Variants in ZNF473 observed in about 807,000 individuals in gnomAD.
ZNF473 encodes the protein zinc finger protein 100 homolog.
In ZNF473, 4 loss-of-function variants were observed where a neutral mutation model predicts 11.1. The ratio of observed to expected loss-of-function variants is 0.36; its 90% CI spans 0.18 to 0.82. ZNF473 has a LOEUF of 0.82. ZNF473 is among the 40% of genes least tolerant of loss of function. The pLI, the probability that ZNF473 is intolerant of heterozygous loss-of-function variation, is 0.49. For synonymous variants in ZNF473, 404 were observed against 390.4 expected (o/e 1.03, Z -0.41); for missense variants, 854 against 1,084.0 (o/e 0.79, Z 2.98).
intron 2 of ZNF473, among the ~76,000 whole-genome samples, chr19:50,032,385 A>G (rs959927409): frequency 2.6e-5 from 4 of 151,970 alleles, no homozygotes; most frequent in Non-Finnish European, 5.9e-5. Flanking sequence ...TAGGGCTGTC[A>G]TGATCTGCAG....
Position 50,045,676 on chromosome 19 carries a change from C to T in ZNF473, c.1233C>T (p.Ser411=). 1 of 1,614,094 alleles carries T rather than the reference C, an allele frequency of 6.2e-7. No individual in the cohort carries two copies. Among genetic ancestry groups the T allele is most frequent in the Non-Finnish European group, 8.5e-7 (1 of 1,180,014 alleles). Residue 411 remains serine, a synonymous_variant, in exon 5 of 5, where the codon TCC becomes TCT. Coordinates refer to ENST00000270617, the MANE Select transcript of ZNF473 (RefSeq NM_015428.4). ...EPYKCNERGK[S]FRHNSTLKIH... ...ATAAGTGTAACGAACGTGGGAAATCCTTCAGGCATAACTCTACCCTAAAGA... is the reference window on the plus strand; with the variant it reads ...ATAAGTGTAACGAACGTGGGAAATCTTTCAGGCATAACTCTACCCTAAAGA...
At chr19:50,032,130 T>A (rs979977443) in intron 2 of ZNF473, among the ~76,000 whole-genome samples, 1 of 148,878 alleles carries the variant, frequency 6.7e-6, no homozygotes, top group Admixed American at 6.8e-5. Flanking sequence ...TTCCTGTGGC[T>A]CCCCAGTGCC....
rs1047588589 is a variant in ZNF473 at position 50,044,881 on chromosome 19, A to T, written c.438A>T (p.Glu146Asp). 5 of 1,614,222 alleles carry T rather than the reference A, an allele frequency of 3.1e-6. No homozygotes were observed. The African/African-American group carries it at 5.3e-5, about 17-fold the overall frequency. The change falls in exon 5 of 5, where the codon GAA (glutamate) becomes GAT (aspartate). Residue 146 changes from glutamate (E) to aspartate (D), a missense_variant. By Grantham distance (45) the Glu-to-Asp change is conservative. Coordinates refer to ENST00000270617, the MANE Select transcript of ZNF473 (RefSeq NM_015428.4). ...CCACCAACGGGGAAAGTCCCACGGA[A>T]TGCAAGAGTCATGAATTAAAGAGAG... is the stretch of plus-strand genomic sequence containing the variant. The part of the protein sequence containing the change: ...DIATNGESPT[E>D]CKSHELKRGL...
intron 3 of ZNF473, chr19:50,041,519 A>T (rs1978766896): frequency 2.6e-6 from 1 of 391,424 alleles, no homozygotes; most frequent in African/African-American, 2.1e-5. Flanking sequence ...ATCACCCTGG[A>T]TTGTGATTGT....
rs1362523652 is a variant in ZNF473 at position 50,034,714 on chromosome 19, A to G, written c.9+3623A>G. Reference sequence around the variant, plus strand: ...TGTTCTCAGCTGTTAGTTAGAGAACAGTTATTCGGTCCTTTGAGGAACTGG... The same window carrying G: ...TGTTCTCAGCTGTTAGTTAGAGAACGGTTATTCGGTCCTTTGAGGAACTGG... On this transcript the variant is annotated intron_variant, in intron 2 of 4. Coordinates refer to ENST00000270617, the MANE Select transcript of ZNF473 (RefSeq NM_015428.4). Among the ~76,000 whole-genome samples, 7 of 149,252 alleles carry G rather than the reference A, an allele frequency of 4.7e-5. No homozygotes were observed. The East Asian group carries it at 1.4e-3, about 29-fold the overall frequency.
intron 2 of ZNF473, 39 bp downstream of exon 2, chr19:50,031,130 A>G: frequency 6.4e-7 from 1 of 1,559,084 alleles, no homozygotes; most frequent in Non-Finnish European, 8.7e-7. Context: ...GGTCACACCC[A>G]AAGGCAGAAA....
chr19:50,028,446 A>G (rs1405602746), intron 1 of ZNF473, among the ~76,000 whole-genome samples: 1 of 151,730 alleles, frequency 6.6e-6, no homozygotes, highest in African/African-American at 2.4e-5. Context: ...CTCCCAAGCG[A>G]TCCTCCTACC....
At chr19:50,029,480 A>G (rs2077305695) in intron 1 of ZNF473, among the ~76,000 whole-genome samples, 2 of 152,232 alleles carry the variant, frequency 1.3e-5, no homozygotes, top group African/African-American at 4.8e-5. Context: ...TGCCATGTAT[A>G]TGCCATATCA....
chr19:50,043,448 A>AAAAAAT (rs1259545565), intron 4 of ZNF473: 1 of 107,882 alleles, frequency 9.3e-6, no homozygotes, highest in African/African-American at 3.9e-5. Flanking sequence ...AAAAAAAAAA[A>AAAAAAT]ATATATATAT....
chr19:50,034,104 C>T (rs950014069), intron 2 of ZNF473, among the ~76,000 whole-genome samples: 1 of 152,180 alleles, frequency 6.6e-6, no homozygotes, highest in Non-Finnish European at 1.5e-5. Flanking sequence ...AGCTGCTTCT[C>T]CTATGTCTCA....
rs757636176 is a variant in ZNF473 at position 50,046,578 on chromosome 19, G to A, written c.2135G>A (p.Arg712His). 124 of 1,614,096 alleles carry A rather than the reference G, an allele frequency of 7.7e-5. No homozygotes were observed. Among genetic ancestry groups the A allele is most frequent in the Non-Finnish European group, 1.0e-4 (119 of 1,180,054 alleles). The change falls in exon 5 of 5, where the codon CGT becomes CAT. Residue 712 changes from arginine (R) to histidine (H), a missense_variant. Physicochemically the swap from Arg to His is conservative, Grantham distance 29. Around this residue, in one of 2 missense-constraint regions of ZNF473, gnomAD observed 186 missense variants for 293.8 expected, o/e 0.63. Coordinates refer to ENST00000270617, the MANE Select transcript of ZNF473 (RefSeq NM_015428.4). The surrounding 1 kb of genome is among the most constrained non-coding windows in gnomAD (Gnocchi z 5.9). ...TGTAACGAATGCGGGAAAACGTTCC[G>A]TCAGAGCTCATGCCTTTCTAAGCAT... is the stretch of plus-strand genomic sequence containing the variant. ...LVCNECGKTF[R>H]QSSCLSKHQR...
chr19:50,044,062 G>T (rs1478446718), intron 4 of ZNF473, among the ~76,000 whole-genome samples: 1 of 152,142 alleles, frequency 6.6e-6, no homozygotes, highest in African/African-American at 2.4e-5. Flanking sequence ...GATATAGTCA[G>T]ATCCATTAAC....
chr19:50,044,505 C>T (rs574418008), intron 4 of ZNF473, 165 bp from the exon 5 acceptor site: 15 of 600,106 alleles, frequency 2.5e-5, no homozygotes, highest in Middle Eastern at 4.5e-4. Context: ...CTTCTTGACC[C>T]TCCTGGGAAT....
At chr19:50,035,581 C>T (rs1600754230) in intron 2 of ZNF473, among the ~76,000 whole-genome samples, 1 of 151,874 alleles carries the variant, frequency 6.6e-6, no homozygotes, top group African/African-American at 2.4e-5. Context: ...GAACTGGCTG[C>T]CCCCTTTTTT....
chr19:50,041,628 G>GTA (rs1978773365), intron 3 of ZNF473, 102 bp from the exon 4 acceptor site: 1 of 1,029,156 alleles, frequency 9.7e-7, no homozygotes, highest in African/African-American at 1.7e-5. Flanking sequence ...GCCACGTGCA[G>GTA]GATAAAGCAT....
chr19:50,033,671 A>T (rs1366539403), intron 2 of ZNF473, among the ~76,000 whole-genome samples: 4 of 152,170 alleles, frequency 2.6e-5, no homozygotes, highest in African/African-American at 9.7e-5. Context: ...AAATGATCTC[A>T]CGGGGCTCAA....
rs553519000 is a variant in ZNF473, at chr19:50,044,878, G to A, written c.435G>A (p.Thr145=). 52 of 1,614,158 alleles carry A rather than the reference G, an allele frequency of 3.2e-5. No homozygotes were observed. The African/African-American group carries it at 4.1e-4, about 13-fold the overall frequency. The part of the protein sequence containing the change: ...SDIATNGESP[T]ECKSHELKRG... Reference sequence around the variant, plus strand: ...TTGCCACCAACGGGGAAAGTCCCACGGAATGCAAGAGTCATGAATTAAAGA... The same window carrying A: ...TTGCCACCAACGGGGAAAGTCCCACAGAATGCAAGAGTCATGAATTAAAGA... Residue 145 remains threonine, a synonymous_variant, in exon 5 of 5, where the codon ACG becomes ACA. Transcript: ENST00000270617.
rs973175014 is a variant in ZNF473 at position 50,045,920 on chromosome 19, A to C, written c.1477A>C (p.Lys493Gln). 1 of 1,614,204 alleles carries C rather than the reference A, an allele frequency of 6.2e-7. No individual in the cohort carries two copies. The highest frequency in any genetic ancestry group is 1.3e-5 in the African/African-American group (1 of 75,050). The change falls in exon 5 of 5, where the codon AAG becomes CAG. Residue 493 changes from lysine to glutamine, a missense_variant. Transcript: ENST00000270617. ...AEKPYSCAEC[K>Q]ETFSDNNRLV... The stretch of plus-strand genomic sequence containing the variant: ...AAAGCCCTATAGCTGTGCTGAATGC[A>C]AGGAGACTTTCAGCGATAACAATCG...
rs770085616 is a variant in ZNF473 at position 50,044,852 on chromosome 19, A to G, written c.409A>G (p.Ile137Val). The G allele has an allele frequency of 1.2e-6, 2 of 1,614,240 alleles. No individual in the cohort carries two copies. Among genetic ancestry groups the G allele is most frequent in the East Asian group, 4.5e-5 (2 of 44,890 alleles). ...GDPESLLRSD[I>V]ATNGESPTEC... ...TCCAGAAAGTCTTCTGAGGTCTGAT[A>G]TTGCCACCAACGGGGAAAGTCCCAC... Residue 137 changes from isoleucine (I) to valine (V), a missense_variant, in exon 5 of 5, where the codon ATT becomes GTT. By Grantham distance (29) the Ile-to-Val change is conservative. Transcript: ENST00000270617.
Sources: allele counts gnomAD v4.1 joint callset (sites outside exome capture counted in the v4.1 genomes callset), GRCh38; gene constraint gnomAD v4.1.1; regional missense constraint gnomAD v4.1.1; non-coding constraint Gnocchi (gnomAD v3.1); transcripts MANE v1.5; gene names NCBI Gene and HGNC (gene_info 2026-07-23, HGNC 2026-07-21).